Variants in PPFIA2 observed in about 807,000 individuals in gnomAD.
The protein encoded by PPFIA2 is PPFI scaffold protein A2.
Under a neutral mutation model 175.5 loss-of-function variants are expected in PPFIA2, and 46 were observed. That is an observed-to-expected ratio of 0.26 (90% CI 0.21 to 0.34). The LOEUF is 0.34. PPFIA2 is among the 10% of genes least tolerant of loss of function. The pLI, the probability that PPFIA2 is intolerant of heterozygous loss-of-function variation, is 1.00. For missense variants in PPFIA2, 1,179 were observed against 1,506.1 expected, an observed-to-expected ratio of 0.78 and a Z score of 3.60; for synonymous variants, 568 against 511.4, an observed-to-expected ratio of 1.11 and a Z score of -1.49.
intron 21 of PPFIA2, among the ~76,000 whole-genome samples, chr12:81,338,042 G>A (rs892216848): frequency 1.3e-5 from 2 of 152,078 alleles, no homozygotes; most frequent in African/African-American, 4.8e-5. Flanking sequence ...TGTAGCTTCC[G>A]ATGCTTTCTG....
chr12:81,591,134 G>GGAGCAAAGGTGA (rs56079823), intron 4 of PPFIA2, among the ~76,000 whole-genome samples: 113,285 of 151,522 alleles, frequency 0.75, 42,488 homozygotes, highest in East Asian at 0.9. Context: ...TTTGGGAACT[G>GGAGCAAAGGTGA]GAGCAAAGGT....
intron 4 of PPFIA2, among the ~76,000 whole-genome samples, chr12:81,627,328 G>T (rs926781659): frequency 6.6e-6 from 1 of 151,946 alleles, no homozygotes; most frequent in Non-Finnish European, 1.5e-5. Flanking sequence ...AATGTTTGAG[G>T]TTATGGATTT....
chr12:81,261,904 T>C, intron 32 of PPFIA2, 45 bp downstream of exon 32: 4 of 1,366,222 alleles, frequency 2.9e-6, no homozygotes, highest in Non-Finnish European at 4.0e-6. Flanking sequence ...GTAGGTTCCA[T>C]TTTTTTGTCT....
chr12:81,450,683 C>T (rs528043996), intron 5 of PPFIA2, among the ~76,000 whole-genome samples: 2 of 152,226 alleles, frequency 1.3e-5, no homozygotes, highest in African/African-American at 4.8e-5. Flanking sequence ...GTTGCCATTG[C>T]TTTTGGTGTT....
chr12:81,464,207 G>A (rs1382704941), intron 4 of PPFIA2, among the ~76,000 whole-genome samples: 2 of 152,214 alleles, frequency 1.3e-5, no homozygotes, highest in Non-Finnish European at 2.9e-5. Context: ...ACAGGTGTAA[G>A]CCACTGAGCC....
chr12:81,347,777 G>A lies in PPFIA2; in HGVS notation c.1995-7C>T, dbSNP rs377561314. 1 of 1,612,958 alleles carries A rather than the reference G, an allele frequency of 6.2e-7. No individual in the cohort carries two copies. The highest frequency in any genetic ancestry group is 1.1e-5 in the South Asian group (1 of 91,036). On this transcript the variant is annotated splice_region_variant and splice_polypyrimidine_tract_variant and intron_variant, in intron 17 of 32. Coordinates refer to ENST00000549396, the MANE Select transcript of PPFIA2 (RefSeq NM_003625.5). Reference sequence around the variant, plus strand: ...TTTTTCTTCCTGAATTAGCCTGAAAGATACAGTTTAATTATGATCCATATA... The same window carrying A: ...TTTTTCTTCCTGAATTAGCCTGAAAAATACAGTTTAATTATGATCCATATA...
chr12:81,295,482 C>A (rs943809469), intron 23 of PPFIA2, among the ~76,000 whole-genome samples: 1 of 152,136 alleles, frequency 6.6e-6, no homozygotes, highest in Non-Finnish European at 1.5e-5. Flanking sequence ...GACAGCTGTG[C>A]CACATCCAGC....
intron 4 of PPFIA2, among the ~76,000 whole-genome samples, chr12:81,641,142 A>C (rs2064912929): frequency 6.6e-6 from 1 of 152,156 alleles, no homozygotes; most frequent in Non-Finnish European, 1.5e-5. Flanking sequence ...GCTATTTTGA[A>C]ATATATAACA....
At chr12:81,679,324 T>C (rs1454715730) in intron 3 of PPFIA2, among the ~76,000 whole-genome samples, 1 of 151,870 alleles carries the variant, frequency 6.6e-6, no homozygotes, top group Non-Finnish European at 1.5e-5. Context: ...TCTTTCTTTG[T>C]AGAAAGGCAT....
chr12:81,497,530 C>CTTTTTTTTTTTTTTTTTTT (rs34030284), intron 4 of PPFIA2, among the ~76,000 whole-genome samples: 1 of 66,184 alleles, frequency 1.5e-5, no homozygotes, highest in African/African-American at 5.5e-5. Context: ...TCATTGATGT[C>CTTTTTTTTTTTTTTTTTTT]TTTTTTTTTT....
intron 3 of PPFIA2, among the ~76,000 whole-genome samples, chr12:81,717,514 C>T (rs1318169990): frequency 6.6e-6 from 1 of 151,568 alleles, no homozygotes; most frequent in East Asian, 2.0e-4. Flanking sequence ...GCTGGGTGTA[C>T]TTATTTTCCT....
At chr12:81,365,178 T>C (rs2032748936) in intron 14 of PPFIA2, among the ~76,000 whole-genome samples, 1 of 151,724 alleles carries the variant, frequency 6.6e-6, no homozygotes, top group South Asian at 2.1e-4. Context: ...AACTTCAAAT[T>C]GTAGAGATAA....
At chr12:81,676,348 A>G (rs1204485048) in intron 4 of PPFIA2, among the ~76,000 whole-genome samples, 4 of 151,976 alleles carry the variant, frequency 2.6e-5, no homozygotes, top group Non-Finnish European at 4.4e-5. Context: ...ACTTTAGAAC[A>G]CTTTATAAAC....
intron 4 of PPFIA2, among the ~76,000 whole-genome samples, chr12:81,459,172 T>A (rs1566921253): frequency 6.6e-6 from 1 of 152,134 alleles, no homozygotes; most frequent in African/African-American, 2.4e-5. Context: ...GCTTTTTGGC[T>A]GACATAGGGA....
intron 22 of PPFIA2, 101 bp from the exon 23 acceptor site, chr12:81,299,483 G>T: frequency 5.7e-6 from 8 of 1,405,134 alleles, no homozygotes; most frequent in Non-Finnish European, 7.6e-6. Context: ...TCCTTTACAA[G>T]ATTTTTTATG....
intron 24 of PPFIA2, chr12:81,294,623 G>C: frequency 1.7e-6 from 1 of 575,616 alleles, no homozygotes; most frequent in Non-Finnish European, 3.1e-6. Flanking sequence ...TCAAAAGTCT[G>C]CTATGCTAGC....
At chr12:81,678,936 TA>T (rs200699398) in intron 3 of PPFIA2, among the ~76,000 whole-genome samples, 22 of 151,584 alleles carry the variant, frequency 1.5e-4, no homozygotes, top group Admixed American at 4.6e-4. Flanking sequence ...ATGCCCAACA[TA>T]AAAAAAATCA....
chr12:81,405,670 T>C, intron 8 of PPFIA2, 117 bp downstream of exon 8: 1 of 619,276 alleles, frequency 1.6e-6, no homozygotes, highest in African/African-American at 1.9e-5. Flanking sequence ...ACCTTGAACC[T>C]TTGACCAAAG....
intron 4 of PPFIA2, among the ~76,000 whole-genome samples, chr12:81,631,756 G>C (rs1373178759): frequency 6.6e-6 from 1 of 152,152 alleles, no homozygotes; most frequent in Non-Finnish European, 1.5e-5. Flanking sequence ...CCAAGAGCAA[G>C]ACTGGCTCTG....
Sources: gnomAD v4.1 joint callset for allele counts (sites outside exome capture counted in the v4.1 genomes callset) on GRCh38, gnomAD v4.1.1 for gene constraint, MANE v1.5 for transcripts, NCBI Gene and HGNC (gene_info 2026-07-23, HGNC 2026-07-21) for gene names.